The following SPATS2 variants were observed in gnomAD, a reference collection of about 807,000 sequenced individuals.
SPATS2 encodes spermatogenesis-associated serine-rich protein 2.
A neutral mutation model predicts 63.7 loss-of-function variants in SPATS2; 38 were observed. The observed-to-expected ratio is 0.60, with a 90% confidence interval of 0.46 to 0.78. SPATS2 has a LOEUF of 0.78. Among genes scored for constraint, SPATS2 ranks in the 30% least tolerant of loss-of-function variants. The pLI is 0.00. For missense variants in SPATS2, 588 were observed against 666.2 expected (o/e 0.88, Z 1.29); for synonymous variants, 207 against 232.9 (o/e 0.89, Z 1.01).
At chr12:49,434,477 T>C (rs1945239565) in intron 2 of SPATS2, among the ~76,000 whole-genome samples, 1 of 152,200 alleles carries the variant, frequency 6.6e-6, no homozygotes, top group East Asian at 1.9e-4. Flanking sequence ...ACCTCTATTC[T>C]GCTTTTTGTC....
intron 2 of SPATS2, among the ~76,000 whole-genome samples, chr12:49,395,426 A>AT (rs111978343): frequency 0.019 from 2,735 of 140,670 alleles, 63 homozygotes; most frequent in African/African-American, 0.059. Context: ...TGTTTTTCAG[A>AT]TTTTTTTTTT....
chr12:49,511,310 A>C (rs1946750369), intron 9 of SPATS2, among the ~76,000 whole-genome samples: 1 of 152,220 alleles, frequency 6.6e-6, no homozygotes, highest in Non-Finnish European at 1.5e-5. Flanking sequence ...CTTTTTCTTT[A>C]GTAGCAGGAA....
At chr12:49,433,442 C>T (rs1945221238) in intron 2 of SPATS2, among the ~76,000 whole-genome samples, 1 of 152,200 alleles carries the variant, frequency 6.6e-6, no homozygotes, top group South Asian at 2.1e-4. Context: ...GGATTACAGG[C>T]GTAAGCCATT....
chr12:49,380,926 T>C (rs993687504), intron 2 of SPATS2, among the ~76,000 whole-genome samples: 1 of 151,704 alleles, frequency 6.6e-6, no homozygotes, highest in Non-Finnish European at 1.5e-5. Context: ...AGTGTACATA[T>C]AATAATACTA....
At chr12:49,509,175 A>G (rs938328331) in intron 9 of SPATS2, among the ~76,000 whole-genome samples, 1 of 151,842 alleles carries the variant, frequency 6.6e-6, no homozygotes, top group Non-Finnish European at 1.5e-5. Context: ...GGATTAGCTT[A>G]TAACTGAGGT....
In SPATS2 at chr12:49,497,016, C is replaced by T; in HGVS notation, c.703+7C>T. 1 of 1,521,772 alleles carries T rather than the reference C, an allele frequency of 6.6e-7. No individual in the cohort carries two copies. Among genetic ancestry groups the T allele is most frequent in the Non-Finnish European group, 8.8e-7 (1 of 1,137,880 alleles). The allele number at this position is 1,521,772 out of a possible 1,614,324, so 94.3% of individuals were successfully genotyped here. A position where few individuals can be genotyped will look rare whatever the true frequency, so the allele number is the denominator to read the frequency against. On this transcript the variant is annotated splice_region_variant and intron_variant, in intron 8 of 13. Transcript: ENST00000552918. ...GCCACCAGTAAAAAGCTAAGTAAGT[C>T]AGAGGCCCACCTGTGAGAGAAAATG... is the stretch of plus-strand genomic sequence containing the variant.
chr12:49,487,390 C>T (rs916919867), intron 4 of SPATS2, among the ~76,000 whole-genome samples: 2 of 151,958 alleles, frequency 1.3e-5, no homozygotes, highest in Non-Finnish European at 2.9e-5. Flanking sequence ...ACCTGGGAGA[C>T]TGTGACAGAA....
chr12:49,433,776 GT>G (rs1452225508), intron 2 of SPATS2, among the ~76,000 whole-genome samples: 15 of 152,152 alleles, frequency 9.9e-5, no homozygotes, highest in Non-Finnish European at 7.4e-5. Context: ...TTGCTTAGAA[GT>G]TTTAAGTTTA....
intron 8 of SPATS2, among the ~76,000 whole-genome samples, chr12:49,499,331 C>G (rs867340827): frequency 6.6e-6 from 1 of 152,190 alleles, no homozygotes; most frequent in South Asian, 2.1e-4. Flanking sequence ...TTTTTCCACT[C>G]TGGCTGGTGT....
At chr12:49,377,176 C>T (rs996250016) in intron 2 of SPATS2, among the ~76,000 whole-genome samples, 3 of 152,088 alleles carry the variant, frequency 2.0e-5, no homozygotes, top group Non-Finnish European at 4.4e-5. Context: ...TTTTTCACCT[C>T]TGTTATTACT....
intron 2 of SPATS2, among the ~76,000 whole-genome samples, chr12:49,379,747 C>T (rs1472585071): frequency 6.6e-6 from 1 of 150,802 alleles, no homozygotes; most frequent in African/African-American, 2.4e-5. Context: ...CTGAGCCTCC[C>T]GAGTAGCTGA....
At chr12:49,522,013 A>G (rs1946949996) in intron 11 of SPATS2, among the ~76,000 whole-genome samples, 1 of 144,660 alleles carries the variant, frequency 6.9e-6, no homozygotes, top group Non-Finnish European at 1.5e-5. Flanking sequence ...TCTCTTTTTT[A>G]TCTCCTTTTC....
intron 3 of SPATS2, among the ~76,000 whole-genome samples, chr12:49,469,235 C>T (rs927822842): frequency 6.7e-6 from 1 of 149,594 alleles, no homozygotes; most frequent in Admixed American, 6.7e-5. Flanking sequence ...CAGTCTCTAC[C>T]AAAAATTAGC....
chr12:49,515,746 G>A (rs1463936656), intron 10 of SPATS2, among the ~76,000 whole-genome samples: 3 of 152,106 alleles, frequency 2.0e-5, no homozygotes, highest in African/African-American at 7.2e-5. Context: ...TAGGCCAGGC[G>A]TGGTGGCTCA....
chr12:49,489,607 A>T, intron 5 of SPATS2, 34 bp downstream of exon 5: 1 of 1,559,864 alleles, frequency 6.4e-7, no homozygotes, highest in Non-Finnish European at 8.8e-7. Context: ...ATAAATTTAT[A>T]TTTGCTCAAA....
chr12:49,438,243 AC>A (rs1392145592), intron 2 of SPATS2, among the ~76,000 whole-genome samples: 1 of 152,204 alleles, frequency 6.6e-6, no homozygotes, highest in Non-Finnish European at 1.5e-5. Flanking sequence ...TCTTTGTTTA[AC>A]AATGCCTATG....
intron 7 of SPATS2, 119 bp from the exon 8 acceptor site, chr12:49,496,714 C>T: frequency 2.1e-6 from 2 of 959,242 alleles, no homozygotes; most frequent in Non-Finnish European, 3.1e-6. Context: ...ATTTTGTTTA[C>T]AGTCTTTTAA....
intron 2 of SPATS2, among the ~76,000 whole-genome samples, chr12:49,425,721 C>A (rs2137445674): frequency 6.6e-6 from 1 of 152,236 alleles, no homozygotes; most frequent in South Asian, 2.1e-4. Flanking sequence ...CCTCTGCCTC[C>A]CAGGTTCAAG....
intron 2 of SPATS2, among the ~76,000 whole-genome samples, chr12:49,439,242 G>C (rs1005319848): frequency 6.6e-6 from 1 of 152,170 alleles, no homozygotes; most frequent in South Asian, 2.1e-4. Flanking sequence ...AGTGCATTGA[G>C]CAAGGGGTGA....
Sources: allele counts gnomAD v4.1 joint callset (sites outside exome capture counted in the v4.1 genomes callset), GRCh38; gene constraint gnomAD v4.1.1; transcripts MANE v1.5; gene names NCBI Gene and HGNC (gene_info 2026-07-23, HGNC 2026-07-21).